NAALADL2: variants seen among roughly 807,000 people sequenced by gnomAD.
The protein encoded by NAALADL2 is inactive N-acetylated-alpha-linked acidic dipeptidase-like protein 2.
Under a neutral mutation model 87.2 loss-of-function variants are expected in NAALADL2, and 76 were observed. That is an observed-to-expected ratio of 0.87 (90% CI 0.72 to 1.05). The LOEUF is 1.05. NAALADL2 is among the 50% of genes least tolerant of loss of function. NAALADL2 has a pLI of 0.00. For synonymous variants in NAALADL2, 354 were observed against 331.0 expected (o/e 1.07, Z -0.75); for missense variants, 1,089 against 945.8 (o/e 1.15, Z -1.99).
chr3:174,656,586 C>G (rs1051394052), intron 2 of NAALADL2, among the ~76,000 whole-genome samples: 2 of 152,124 alleles, frequency 1.3e-5, no homozygotes, highest in African/African-American at 4.8e-5. Flanking sequence ...TGTTTTTTCA[C>G]CATTACTTTT....
At chr3:174,862,359 G>C (rs1194608102) in intron 1 of NAALADL2, among the ~76,000 whole-genome samples, 1 of 151,998 alleles carries the variant, frequency 6.6e-6, no homozygotes, top group Non-Finnish European at 1.5e-5. Context: ...TCCTGGAAGG[G>C]AACTACCTGG....
chr3:174,476,248 G>C (rs1212602210), intron 1 of NAALADL2, among the ~76,000 whole-genome samples: 2 of 151,130 alleles, frequency 1.3e-5, no homozygotes, highest in Non-Finnish European at 3.0e-5. Context: ...TGAAAACAGA[G>C]CAGTAGTCTT....
At chr3:174,869,916 G>C (rs1727591703) in intron 1 of NAALADL2, among the ~76,000 whole-genome samples, 1 of 148,180 alleles carries the variant, frequency 6.7e-6, no homozygotes, top group Non-Finnish European at 1.5e-5. Flanking sequence ...GAATCACTTG[G>C]ACCTGGGAGG....
chr3:175,674,485 T>C (rs1433522533), intron 11 of NAALADL2, among the ~76,000 whole-genome samples: 2 of 151,988 alleles, frequency 1.3e-5, no homozygotes, highest in Non-Finnish European at 2.9e-5. Context: ...AGGACGGTCT[T>C]GATCTCCTGA....
At position 175,166,183 on chromosome 3, in the gene NAALADL2, AC is replaced by A. The variant is rs542601723; in HGVS notation, c.546-67744del. Among the ~76,000 whole-genome samples, 149 of 151,964 alleles carry A rather than the reference AC, an allele frequency of 9.8e-4. 2 individuals are homozygous for A. The highest frequency in any genetic ancestry group is 3.9e-4 in the East Asian group (2 of 5,154). On this transcript the variant is annotated intron_variant, in intron 2 of 13. Transcript: ENST00000454872. ...TCAGAATCATGCCTTAGAAAATCTT[AC>A]CCCTTGAACATGACTTTCTCAGAGT...
intron 1 of NAALADL2, among the ~76,000 whole-genome samples, chr3:174,893,998 T>C (rs1731188392): frequency 6.6e-6 from 1 of 152,070 alleles, no homozygotes; most frequent in Non-Finnish European, 1.5e-5. Flanking sequence ...AAGACAAATA[T>C]AGACTGAAAA....
At chr3:174,916,462 A>G (rs909260042) in intron 1 of NAALADL2, among the ~76,000 whole-genome samples, 2 of 152,246 alleles carry the variant, frequency 1.3e-5, no homozygotes, top group South Asian at 4.1e-4. Context: ...TAGGGAACCA[A>G]TCTAAATGCT....
chr3:175,374,072 T>C (rs886261674), intron 5 of NAALADL2, among the ~76,000 whole-genome samples: 2 of 152,136 alleles, frequency 1.3e-5, no homozygotes, highest in Non-Finnish European at 2.9e-5. Flanking sequence ...ATATTGCATA[T>C]ATTTTCTACC....
intron 9 of NAALADL2, among the ~76,000 whole-genome samples, chr3:175,475,118 A>G (rs1725502850): frequency 1.3e-5 from 2 of 151,840 alleles, no homozygotes; most frequent in African/African-American, 4.8e-5. Flanking sequence ...TGGAGACCTT[A>G]GGATGTTCTA....
At chr3:174,775,714 C>A (rs1198508525) in intron 3 of NAALADL2, among the ~76,000 whole-genome samples, 3 of 152,160 alleles carry the variant, frequency 2.0e-5, no homozygotes, top group Admixed American at 1.3e-4. Flanking sequence ...GAATCCTCCA[C>A]TGGGAGGAAA....
At chr3:175,749,016 A>G (rs1402705598) in intron 12 of NAALADL2, among the ~76,000 whole-genome samples, 3 of 151,144 alleles carry the variant, frequency 2.0e-5, no homozygotes, top group African/African-American at 7.3e-5. Flanking sequence ...CTGAGGTAGA[A>G]GGATCTCTTG....
intron 5 of NAALADL2, among the ~76,000 whole-genome samples, chr3:175,355,020 A>T (rs923075526): frequency 3.0e-5 from 3 of 100,634 alleles, no homozygotes; most frequent in African/African-American, 1.2e-4. Context: ...TGCTATATAT[A>T]TATGTGTGTG....
intron 2 of NAALADL2, among the ~76,000 whole-genome samples, chr3:175,201,619 G>A (rs1740037277): frequency 6.6e-6 from 1 of 152,062 alleles, no homozygotes. Context: ...GTTGCTCCAA[G>A]AACAGAACTA....
At chr3:175,370,937 C>T (rs1766401013) in intron 5 of NAALADL2, among the ~76,000 whole-genome samples, 1 of 152,108 alleles carries the variant, frequency 6.6e-6, no homozygotes, top group Non-Finnish European at 1.5e-5. Context: ...AATGCTTGCT[C>T]TCTGGCCCTG....
At chr3:174,602,717 A>T (rs1718579737) in intron 2 of NAALADL2, among the ~76,000 whole-genome samples, 1 of 152,044 alleles carries the variant, frequency 6.6e-6, no homozygotes, top group African/African-American at 2.4e-5. Flanking sequence ...GATCTTAAAA[A>T]AGACTTTCAT....
At chr3:174,779,245 T>C (rs1482857965) in intron 3 of NAALADL2, among the ~76,000 whole-genome samples, 1 of 152,184 alleles carries the variant, frequency 6.6e-6, no homozygotes, top group African/African-American at 2.4e-5. Flanking sequence ...ATGAGCTTTT[T>C]TTCATATGTT....
At chr3:175,688,033 C>T (rs995040115) in intron 11 of NAALADL2, among the ~76,000 whole-genome samples, 2 of 151,972 alleles carry the variant, frequency 1.3e-5, no homozygotes, top group South Asian at 2.1e-4. Context: ...ATAAAAACAA[C>T]CTAACACAAT....
rs147008125 is a variant in NAALADL2, at chr3:175,164,277, GTA to G, written c.545+66998_545+66999del. ...AATATATGTAAATATGTATATATGT[GTA>G]TATATATATATGGCACATAATAAAT... On this transcript the variant is annotated intron_variant, in intron 2 of 13. Coordinates refer to ENST00000454872, the MANE Select transcript of NAALADL2 (RefSeq NM_207015.3). 3.3e-3 allele frequency among the ~76,000 whole-genome samples: 494 copies of G among 150,228 alleles called. 1 individual carries two copies. Among genetic ancestry groups the G allele is most frequent in the African/African-American group, 9.7e-3 (398 of 41,010 alleles).
At chr3:175,195,905 G>A (rs1021665460) in intron 2 of NAALADL2, among the ~76,000 whole-genome samples, 1 of 151,898 alleles carries the variant, frequency 6.6e-6, no homozygotes, top group Non-Finnish European at 1.5e-5. Flanking sequence ...TAAGTATCAT[G>A]TGTAATGAGC....
Sources: allele counts gnomAD v4.1 joint callset (sites outside exome capture counted in the v4.1 genomes callset), GRCh38; gene constraint gnomAD v4.1.1; transcripts MANE v1.5; gene names NCBI Gene and HGNC (gene_info 2026-07-23, HGNC 2026-07-21).